RNF10: variants seen among roughly 807,000 people sequenced by gnomAD.
The protein encoded by RNF10 is E3 ubiquitin-protein ligase RNF10.
In RNF10, 38 loss-of-function variants were observed where a neutral mutation model predicts 91.4. The ratio of observed to expected loss-of-function variants is 0.42; its 90% CI spans 0.32 to 0.54. The LOEUF is 0.54. Among genes scored for constraint, RNF10 ranks in the 20% least tolerant of loss-of-function variants. The probability of loss-of-function intolerance (pLI) is 0.16; values close to 1 mark genes in which losing one functional copy is unlikely to be tolerated. For synonymous variants in RNF10, 364 were observed against 366.3 expected (o/e 0.99, Z 0.07); for missense variants, 945 against 1,012.0 (o/e 0.93, Z 0.90).
At chr12:120,563,194 T>A in intron 8 of RNF10, 124 bp downstream of exon 8, 1 of 1,494,926 alleles carries the variant, frequency 6.7e-7, no homozygotes, top group Non-Finnish European at 9.2e-7. Context: ...TTCTGTATGC[T>A]TGTTATTAGT....
Position 120,557,631 on chromosome 12 carries a change from G to T in RNF10, c.916G>T (p.Ala306Ser), listed in dbSNP as rs1874237907. ...LMKREKGVLV[A>S]LPKSKWMNVD... is the part of the protein sequence containing the mutation. ...GAAGAGGGAGAAAGGGGTGTTGGTG[G>T]CTTTGCCCAAATCCAAATGGATGAA... is the stretch of plus-strand genomic sequence containing the variant. Residue 306 changes from alanine (A) to serine (S), a missense_variant, in exon 6 of 17, where the codon GCT (alanine) becomes TCT (serine). Ala to Ser is a moderately conservative substitution (Grantham distance 99, BLOSUM62 1). Coordinates refer to ENST00000325954, the MANE Select transcript of RNF10 (RefSeq NM_014868.5). 2.5e-6 allele frequency: 4 copies of T among 1,614,204 alleles called. No individual in the cohort carries two copies. The South Asian group carries it at 4.4e-5, about 18-fold the overall frequency.
chr12:120,575,557 GTC>G, intron 14 of RNF10, 72 bp from the exon 15 acceptor site: 1 of 1,534,246 alleles, frequency 6.5e-7, no homozygotes, highest in South Asian at 1.1e-5. Flanking sequence ...TCTCCAGTTA[GTC>G]AAGGTAGGTC....
chr12:120,562,271 CTTTTTTTTT>C, intron 7 of RNF10, among the ~76,000 whole-genome samples: 1 of 100,122 alleles, frequency 1.0e-5, no homozygotes, highest in African/African-American at 3.8e-5. Context: ...TTCTTTCTTT[CTTTTTTTTT>C]TTTTTTTTTT....
At chr12:120,555,767 A>G (rs1021343694) in intron 4 of RNF10, among the ~76,000 whole-genome samples, 5 of 150,900 alleles carry the variant, frequency 3.3e-5, no homozygotes, top group African/African-American at 1.2e-4. Flanking sequence ...AAGTGGTGGG[A>G]TTACAGGCAT....
At chr12:120,566,606 C>G (rs1875742765) in intron 12 of RNF10, among the ~76,000 whole-genome samples, 1 of 151,708 alleles carries the variant, frequency 6.6e-6, no homozygotes, top group African/African-American at 2.4e-5. Context: ...TTTAAAAATT[C>G]AAAAAATTAG....
chr12:120,546,978 T>A (rs1240901307), intron 2 of RNF10, among the ~76,000 whole-genome samples: 1 of 152,058 alleles, frequency 6.6e-6, no homozygotes, highest in Non-Finnish European at 1.5e-5. Context: ...TAGTCTCAAA[T>A]TTTTTTTAGG....
chr12:120,539,899 G>A (rs1276658414), intron 1 of RNF10, among the ~76,000 whole-genome samples: 4 of 151,448 alleles, frequency 2.6e-5, no homozygotes, highest in South Asian at 2.1e-4. Context: ...TCAGTGGCGC[G>A]ATCTCAGCTC....
intron 13 of RNF10, among the ~76,000 whole-genome samples, chr12:120,569,532 A>T (rs1379059912): frequency 8.2e-5 from 4 of 48,568 alleles, no homozygotes; most frequent in Non-Finnish European, 1.4e-4. Context: ...TATTTGTGAT[A>T]TGCATCTTTT....
chr12:120,539,506 G>GTTTCTGCTGCTGATT, intron 1 of RNF10: 3 of 1,025,212 alleles, frequency 2.9e-6, no homozygotes, highest in African/African-American at 1.6e-5. Context: ...TGAATCAGCA[G>GTTTCTGCTGCTGATT]CAGAAACTTG....
chr12:120,552,374 TG>T, intron 2 of RNF10, 124 bp from the exon 3 acceptor site: 1 of 763,522 alleles, frequency 1.3e-6, no homozygotes, highest in Non-Finnish European at 2.1e-6. Context: ...CACTCCAGCC[TG>T]GATGACAGAG....
chr12:120,563,928 C>CT lies in RNF10; in HGVS notation c.1651dup (p.Tyr551LeufsTer5). ...CAGCAACTGTGGTGGAGATTGCTGG[C>CT]TACTCCATGTCTGAGGTGAGGCCTT... On this transcript the variant is annotated frameshift_variant, in exon 10 of 17. Transcript: ENST00000325954. LOFTEE classifies it high-confidence loss of function. 1 of 1,614,160 alleles carries CT rather than the reference C, an allele frequency of 6.2e-7. No individual in the cohort carries two copies. The highest frequency in any genetic ancestry group is 8.5e-7 in the Non-Finnish European group (1 of 1,180,020).
At chr12:120,549,809 TAATA>T (rs981616881) in intron 2 of RNF10, among the ~76,000 whole-genome samples, 1 of 151,974 alleles carries the variant, frequency 6.6e-6, no homozygotes, top group African/African-American at 2.4e-5. Flanking sequence ...AATAAATAAA[TAATA>T]AATAAAAATT....
intron 11 of RNF10, 36 bp from the exon 12 acceptor site, chr12:120,565,392 C>A: frequency 6.3e-7 from 1 of 1,590,376 alleles, no homozygotes; most frequent in South Asian, 1.1e-5. Flanking sequence ...CCATGTTGTC[C>A]TGGGTCTACC....
rs939446675 is a variant in RNF10 at position 120,546,497 on chromosome 12, T to C, written c.250T>C (p.Ser84Pro). ...AAGTTTTAACAACCAGTCCCGTCGC[T>C]CCAGTTCACAGAAAAGCAAGACTTT... Reference protein sequence around the residue: ...NESFNNQSRRSSSQKSKTFNK... With the variant: ...NESFNNQSRRPSSQKSKTFNK... Residue 84 changes from serine (S) to proline (P), a missense_variant, in exon 2 of 17, where the codon TCC (serine) becomes CCC (proline). Transcript: ENST00000325954. The C allele has an allele frequency of 1.9e-6, 3 of 1,614,158 alleles. No individual in the cohort carries two copies. The Admixed American group carries it at 5.0e-5, about 27-fold the overall frequency.
rs1667414151 is a variant in RNF10 at position 120,575,816 on chromosome 12, C to T, written c.2225C>T (p.Ala742Val). 3 of 1,614,064 alleles carry T rather than the reference C, an allele frequency of 1.9e-6. No individual in the cohort carries two copies. The highest frequency in any genetic ancestry group is 2.7e-5 in the African/African-American group (2 of 74,922). Residue 742 changes from alanine (A) to valine (V), a missense_variant, in exon 16 of 17, where the codon GCC becomes GTC. Ala to Val is a moderately conservative substitution (Grantham distance 64, BLOSUM62 0). Transcript: ENST00000325954. ...GATGAGAACAGCTTAGTTCCTCCTG[C>T]CCCTGTGGACAGCGACGGGGAGAGT... Reference protein sequence around the residue: ...KKDENSLVPPAPVDSDGESDN... With the variant: ...KKDENSLVPPVPVDSDGESDN...
chr12:120,570,032 C>T (rs573327218), intron 13 of RNF10, among the ~76,000 whole-genome samples: 2 of 151,946 alleles, frequency 1.3e-5, no homozygotes, highest in East Asian at 3.9e-4. Context: ...AGCTGTGTAG[C>T]GTGCCACCAT....
chr12:120,551,608 G>A lies in RNF10; in HGVS notation c.355-891G>A, dbSNP rs897813457. Among the ~76,000 whole-genome samples the A allele has an allele frequency of 4.6e-5, 7 of 151,432 alleles. No homozygotes were observed. In the South Asian group the frequency reaches 1.5e-3, roughly 32 times the overall value. On this transcript the variant is annotated intron_variant, in intron 2 of 16. Coordinates refer to ENST00000325954, the MANE Select transcript of RNF10 (RefSeq NM_014868.5). ...GCTACTATTCCTGGTCACCCATCCT[G>A]ATTTTATTTTTAAATTTTAGATTTT...
chr12:120,555,482 C>T (rs1261468544), intron 4 of RNF10, among the ~76,000 whole-genome samples: 2 of 145,664 alleles, frequency 1.4e-5, no homozygotes, highest in Admixed American at 6.9e-5. Context: ...CTATCTGGCC[C>T]AGTTGTACTT....
At chr12:120,556,305 C>T (rs916750942) in intron 4 of RNF10, among the ~76,000 whole-genome samples, 7 of 151,098 alleles carry the variant, frequency 4.6e-5, no homozygotes, top group Non-Finnish European at 4.4e-5. Flanking sequence ...GAGGCTGAGG[C>T]GGGCGGATCA....
Sources: gnomAD v4.1 joint callset for allele counts (sites outside exome capture counted in the v4.1 genomes callset) on GRCh38, gnomAD v4.1.1 for gene constraint, MANE v1.5 for transcripts, NCBI Gene and HGNC (gene_info 2026-07-23, HGNC 2026-07-21) for gene names.